Variants in C3orf49 observed in about 807,000 individuals in gnomAD.
C3orf49 encodes putative uncharacterized protein C3orf49.
C3orf49 carries 27 observed loss-of-function variants against 13.3 expected under a neutral mutation model. The ratio of observed to expected loss-of-function variants is 2.02; its 90% CI spans 1.49 to 2.79. The LOEUF (loss-of-function observed/expected upper bound fraction) is 2.79. Ranked by LOEUF, C3orf49 falls within the 30% of genes most tolerant of loss-of-function variation. The pLI, the probability that C3orf49 is intolerant of heterozygous loss-of-function variation, is 0.00. For missense variants in C3orf49, 242 were observed against 134.2 expected (o/e 1.80, Z -3.97); for synonymous variants, 87 against 47.6 (o/e 1.83, Z -3.40).
the C3orf49 span, among the ~76,000 whole-genome samples, chr3:63,804,644 G>C: frequency 1.3e-4 from 20 of 152,286 alleles, no homozygotes; most frequent in Non-Finnish European, 2.6e-4. Context: ...AGACCTGTGA[G>C]TCTGCCTTTC....
At chr3:63,808,686 G>A in the C3orf49 span, among the ~76,000 whole-genome samples, 1 of 152,146 alleles carries the variant, frequency 6.6e-6, no homozygotes, top group Admixed American at 6.5e-5. Flanking sequence ...AATTTAGTTG[G>A]TCAAGCTTTT....
intron 3 of C3orf49, among the ~76,000 whole-genome samples, chr3:63,829,971 A>G (rs1243181032): frequency 6.6e-6 from 1 of 152,184 alleles, no homozygotes; most frequent in Admixed American, 6.5e-5. Flanking sequence ...ATCTTAAAAT[A>G]TATATATGTA....
chr3:63,810,521 G>C, the C3orf49 span, among the ~76,000 whole-genome samples: 1 of 152,122 alleles, frequency 6.6e-6, no homozygotes, highest in African/African-American at 2.4e-5. Context: ...TATGGGTCAA[G>C]ACCTTATTAT....
Position 63,824,836 on chromosome 3 carries a change from C to CAAA in C3orf49, c.445+1283_445+1285dup, listed in dbSNP as rs34464702. ...TGGGCGACAGAAAGAGACCCTGTCT[C>CAAA]AAAAAAAAAAAAAAAAAAGAAAAAG... is the stretch of plus-strand genomic sequence containing the variant. On this transcript the variant is annotated intron_variant, in intron 2 of 6. Transcript: ENST00000295896. Among the ~76,000 whole-genome samples, 46 of 107,826 alleles carry CAAA rather than the reference C, an allele frequency of 4.3e-4. No homozygotes were observed. The Middle Eastern group carries it at 0.015, about 34-fold the overall frequency. 70.7% of individuals were successfully genotyped at this position (107,826 alleles called of 152,430 possible). A position where few individuals can be genotyped will look rare whatever the true frequency, so the allele number is the denominator to read the frequency against.
At chr3:63,802,706 T>G in the C3orf49 span, among the ~76,000 whole-genome samples, 1 of 152,180 alleles carries the variant, frequency 6.6e-6, no homozygotes, top group African/African-American at 2.4e-5. Context: ...TTCCATACAT[T>G]ATCTTTTAGA....
the C3orf49 span, among the ~76,000 whole-genome samples, chr3:63,809,483 T>C: frequency 6.6e-6 from 1 of 152,230 alleles, no homozygotes; most frequent in Non-Finnish European, 1.5e-5. Flanking sequence ...CTGCCCATAG[T>C]GAATGGCCAA....
the C3orf49 span, among the ~76,000 whole-genome samples, chr3:63,787,553 T>C: frequency 3.3e-5 from 5 of 152,242 alleles, no homozygotes; most frequent in South Asian, 2.1e-4. Flanking sequence ...AAAAAAAAAT[T>C]TGATGACACT....
At chr3:63,814,382 A>C (rs1701300579), upstream of C3orf49, among the ~76,000 whole-genome samples, 1 of 150,636 alleles carries the variant, frequency 6.6e-6, no homozygotes. Context: ...CACCCCACCC[A>C]CTGCTTCTCA....
At position 63,829,408 on chromosome 3, in the gene C3orf49, T is replaced by C. The variant is rs149606574; in HGVS notation, c.570+1683T>C. Among the ~76,000 whole-genome samples, 304 of 152,284 alleles carry C rather than the reference T, an allele frequency of 2.0e-3. 2 individuals are homozygous for C. The highest frequency in any genetic ancestry group is 7.0e-3 in the African/African-American group (290 of 41,564). ...AAATTGACCCCTATCTCACACCATA[T>C]ACAAAGATTAATTTCTGTTCAGTTA... On this transcript the variant is annotated intron_variant, in intron 3 of 6. Transcript: ENST00000295896.
the C3orf49 span, among the ~76,000 whole-genome samples, chr3:63,780,238 C>G: frequency 7.9e-5 from 12 of 152,124 alleles, no homozygotes; most frequent in East Asian, 1.9e-4. Flanking sequence ...AGAACATGCG[C>G]TGTTTGGTTT....
At chr3:63,802,361 C>T in the C3orf49 span, among the ~76,000 whole-genome samples, 1 of 152,282 alleles carries the variant, frequency 6.6e-6, no homozygotes, top group South Asian at 2.1e-4. Flanking sequence ...GAAAGAAGTT[C>T]AGAAAAGGAT....
upstream of C3orf49, among the ~76,000 whole-genome samples, chr3:63,815,967 G>T (rs549022690): frequency 2.4e-4 from 36 of 151,192 alleles, no homozygotes; most frequent in African/African-American, 8.5e-4. Context: ...TCTATTTTTA[G>T]TAGAGACGGG....
upstream of C3orf49, among the ~76,000 whole-genome samples, chr3:63,814,760 A>G (rs1044180256): frequency 3.9e-5 from 6 of 151,992 alleles, no homozygotes; most frequent in African/African-American, 1.4e-4. Flanking sequence ...CTTTAGTTAA[A>G]CCCTTGGACT....
rs931638810 is a variant in C3orf49, at chr3:63,819,416, G to C, written c.-56G>C. 1.4e-6 allele frequency: 1 copy of C among 691,566 alleles called. No individual in the cohort carries two copies. Among genetic ancestry groups the C allele is most frequent in the African/African-American group, 1.8e-5 (1 of 56,672 alleles). 42.8% of individuals were successfully genotyped at this position (691,566 alleles called of 1,614,324 possible). A position where few individuals can be genotyped will look rare whatever the true frequency, so the allele number is the denominator to read the frequency against. On this transcript the variant is annotated 5_prime_UTR_variant, in exon 1 of 7. Transcript: ENST00000295896. ...ACTGGATGATTTTGTATTGAAGTCTGTAAGTTCAAGAACTAAAACAATCCA... is the reference window on the plus strand; with the variant it reads ...ACTGGATGATTTTGTATTGAAGTCTCTAAGTTCAAGAACTAAAACAATCCA...
the C3orf49 span, among the ~76,000 whole-genome samples, chr3:63,809,434 T>G: frequency 6.6e-6 from 1 of 152,236 alleles, no homozygotes; most frequent in Non-Finnish European, 1.5e-5. Flanking sequence ...ATTTTGATTA[T>G]GTAAGAAAAT....
intron 6 of C3orf49, among the ~76,000 whole-genome samples, chr3:63,845,317 G>A (rs924704352): frequency 3.9e-5 from 6 of 152,204 alleles, no homozygotes; most frequent in Non-Finnish European, 7.3e-5. Flanking sequence ...CATAGTGGCT[G>A]ACAAGTCACT....
intron 2 of C3orf49, among the ~76,000 whole-genome samples, chr3:63,826,236 C>A (rs564190116): frequency 1.3e-5 from 2 of 152,148 alleles, no homozygotes; most frequent in Non-Finnish European, 2.9e-5. Context: ...GATTTGCATT[C>A]TTAAAAGATA....
In C3orf49 at chr3:63,832,290, G is replaced by T. The variant is rs549479551; in HGVS notation, c.849+446G>T. Among the ~76,000 whole-genome samples, 148 of 152,212 alleles carry T rather than the reference G, an allele frequency of 9.7e-4. 3 individuals carry two copies. In the South Asian group the frequency reaches 0.029, roughly 30 times the overall value. Reference sequence around the variant, plus strand: ...CTCTCTAGTGAATTAATCAATGGGGGTGGGGATACGGAGGCAGCATTTTAA... The same window carrying T: ...CTCTCTAGTGAATTAATCAATGGGGTTGGGGATACGGAGGCAGCATTTTAA... On this transcript the variant is annotated intron_variant, in intron 5 of 6. Transcript: ENST00000295896.
chr3:63,841,215 G>T (rs72888298), intron 5 of C3orf49, among the ~76,000 whole-genome samples: 2,091 of 152,310 alleles, frequency 0.014, 58 homozygotes, highest in African/African-American at 0.046. Context: ...GGCTTTGCGT[G>T]TGTGCATGTG....
Sources: allele counts gnomAD v4.1 joint callset (sites outside exome capture counted in the v4.1 genomes callset), GRCh38; gene constraint gnomAD v4.1.1; transcripts MANE v1.5; gene names NCBI Gene and HGNC (gene_info 2026-07-23, HGNC 2026-07-21).